Variants in FHIT observed in about 807,000 individuals in gnomAD.
FHIT encodes fragile histidine triad diadenosine triphosphatase.
A neutral mutation model predicts 17.9 loss-of-function variants in FHIT; 19 were observed. That is an observed-to-expected ratio of 1.06 (90% CI 0.74 to 1.56). The LOEUF (loss-of-function observed/expected upper bound fraction) is 1.56, where lower values mean the gene tolerates loss of function less well. Ranked by LOEUF, FHIT falls within the 40% of genes most tolerant of loss-of-function variation. The pLI, the probability that FHIT is intolerant of heterozygous loss-of-function variation, is 0.00. For synonymous variants in FHIT, 81 were observed against 69.7 expected (o/e 1.16, Z -0.81); for missense variants, 248 against 189.2 (o/e 1.31, Z -1.82).
intron 2 of FHIT, among the ~76,000 whole-genome samples, chr3:61,154,096 T>TCA (rs1201976403): frequency 1.3e-5 from 2 of 152,054 alleles, no homozygotes; most frequent in African/African-American, 4.8e-5. Flanking sequence ...AAACCCCAAA[T>TCA]CGCTGGCATT....
At chr3:60,044,943 T>G (rs912025246) in intron 5 of FHIT, among the ~76,000 whole-genome samples, 1 of 152,116 alleles carries the variant, frequency 6.6e-6, no homozygotes, top group Non-Finnish European at 1.5e-5. Context: ...AACTCATCAT[T>G]TAAGAATTTC....
intron 5 of FHIT, among the ~76,000 whole-genome samples, chr3:60,161,481 T>C (rs558907278): frequency 6.6e-6 from 1 of 152,316 alleles, no homozygotes; most frequent in East Asian, 1.9e-4. Context: ...AAGTCTACCC[T>C]TAAGGCCTGA....
At chr3:61,056,065 T>C (rs2034206798) in intron 2 of FHIT, among the ~76,000 whole-genome samples, 1 of 152,264 alleles carries the variant, frequency 6.6e-6, no homozygotes. Context: ...ATACTAAGTC[T>C]TATTTATTCT....
intron 5 of FHIT, among the ~76,000 whole-genome samples, chr3:60,061,081 C>G (rs577314723): frequency 6.6e-6 from 1 of 152,188 alleles, no homozygotes; most frequent in East Asian, 1.9e-4. Context: ...TTCAGACCCA[C>G]AATCCCAATG....
At chr3:60,032,152 G>C (rs2630144) in intron 5 of FHIT, among the ~76,000 whole-genome samples, 67,461 of 151,972 alleles carry the variant, frequency 0.44, 15,312 homozygotes, top group South Asian at 0.52. Context: ...TTAATACTGT[G>C]TTAACTGGTA....
At chr3:60,038,243 T>C (rs1701302383) in intron 5 of FHIT, among the ~76,000 whole-genome samples, 1 of 152,236 alleles carries the variant, frequency 6.6e-6, no homozygotes, top group Non-Finnish European at 1.5e-5. Context: ...GTGCTATAGT[T>C]ATTGATCTGA....
intron 5 of FHIT, among the ~76,000 whole-genome samples, chr3:60,092,278 T>A (rs965374755): frequency 1.3e-5 from 2 of 152,166 alleles, no homozygotes; most frequent in African/African-American, 4.8e-5. Context: ...CTTGGTACCA[T>A]GTGAGTTTTG....
At chr3:59,921,344 A>G (rs7625937) in intron 8 of FHIT, among the ~76,000 whole-genome samples, 94,011 of 152,082 alleles carry the variant, frequency 0.62, 29,133 homozygotes, top group Admixed American at 0.67. Context: ...CCCTGGAAAC[A>G]AGGTAGAGAT....
intron 4 of FHIT, among the ~76,000 whole-genome samples, chr3:60,744,446 C>CTAA (rs10669228): frequency 0.056 from 8,450 of 152,084 alleles, 302 homozygotes; most frequent in African/African-American, 0.097. Flanking sequence ...ACACAACTTG[C>CTAA]TAAGTGTCCA....
chr3:60,127,299 G>A (rs1705597539), intron 5 of FHIT, among the ~76,000 whole-genome samples: 1 of 152,118 alleles, frequency 6.6e-6, no homozygotes, highest in South Asian at 2.1e-4. Flanking sequence ...TTTGATCCCA[G>A]CCTACGCATT....
chr3:60,786,582 T>C (rs1422796569), intron 4 of FHIT, among the ~76,000 whole-genome samples: 1 of 152,226 alleles, frequency 6.6e-6, no homozygotes, highest in African/African-American at 2.4e-5. Flanking sequence ...CTTGTGAAGA[T>C]AATGCATGTA....
At chr3:60,482,305 C>T (rs1358822733) in intron 5 of FHIT, among the ~76,000 whole-genome samples, 1 of 152,072 alleles carries the variant, frequency 6.6e-6, no homozygotes, top group Admixed American at 6.6e-5. Flanking sequence ...ATAAACTCAG[C>T]TCTGGAGGGC....
chr3:60,560,152 C>A (rs959594417), intron 4 of FHIT, among the ~76,000 whole-genome samples: 2 of 152,064 alleles, frequency 1.3e-5, no homozygotes, highest in African/African-American at 4.8e-5. Flanking sequence ...CATTTGGGGG[C>A]AATTTTCTTC....
chr3:60,550,817 C>CA (rs778898849), intron 4 of FHIT, among the ~76,000 whole-genome samples: 16 of 151,958 alleles, frequency 1.1e-4, no homozygotes, highest in South Asian at 2.1e-4. Context: ...TATGACAGAC[C>CA]AGCCCTCTGC....
At chr3:59,905,409 A>G (rs1396998572) in intron 8 of FHIT, among the ~76,000 whole-genome samples, 1 of 152,206 alleles carries the variant, frequency 6.6e-6, no homozygotes, top group African/African-American at 2.4e-5. Context: ...TTTATGGTAG[A>G]AGGGCATGCA....
intron 7 of FHIT, among the ~76,000 whole-genome samples, chr3:59,993,849 G>C (rs1047625142): frequency 6.6e-6 from 1 of 151,930 alleles, no homozygotes; most frequent in African/African-American, 2.4e-5. Flanking sequence ...CTTTAACATG[G>C]GGATAAAATT....
intron 5 of FHIT, among the ~76,000 whole-genome samples, chr3:60,048,215 T>C (rs1701730185): frequency 6.6e-6 from 1 of 152,202 alleles, no homozygotes; most frequent in South Asian, 2.1e-4. Flanking sequence ...CTCACTCTGC[T>C]GTCCAGGCTG....
At chr3:59,802,798 C>T (rs1159629462) in intron 8 of FHIT, among the ~76,000 whole-genome samples, 2 of 152,168 alleles carry the variant, frequency 1.3e-5, no homozygotes, top group Non-Finnish European at 2.9e-5. Context: ...AAACTAGTCA[C>T]TTCACTACTG....
intron 3 of FHIT, among the ~76,000 whole-genome samples, chr3:60,834,767 A>G (rs2106832801): frequency 6.6e-6 from 1 of 151,970 alleles, no homozygotes; most frequent in Non-Finnish European, 1.5e-5. Context: ...CCAGAGCCTC[A>G]GGCAGGAGAA....
Sources: allele counts gnomAD v4.1 joint callset (sites outside exome capture counted in the v4.1 genomes callset), GRCh38; gene constraint gnomAD v4.1.1; transcripts MANE v1.5; gene names NCBI Gene and HGNC (gene_info 2026-07-23, HGNC 2026-07-21).